The following KRT7 variants were observed in gnomAD, a reference collection of about 807,000 sequenced individuals.
KRT7 encodes keratin 7, also known as keratin, type II cytoskeletal 7.
Under a neutral mutation model 42.8 loss-of-function variants are expected in KRT7, and 50 were observed. The ratio of observed to expected loss-of-function variants is 1.17; its 90% confidence interval spans 0.93 to 1.48. KRT7 has a LOEUF of 1.48. Ranked by LOEUF, KRT7 falls within the 40% of genes most tolerant of loss-of-function variation. The pLI is 0.00. For synonymous variants in KRT7, 268 were observed against 266.3 expected (o/e 1.01, Z -0.06); for missense variants, 588 against 637.6 (o/e 0.92, Z 0.84).
intron 6 of KRT7, chr12:52,245,023 G>A (rs1942147696): frequency 4.7e-6 from 1 of 210,698 alleles, no homozygotes; most frequent in Non-Finnish European, 9.3e-6. Context: ...CTGGGGGTTT[G>A]AAAATCATAA....
intron 4 of KRT7, among the ~76,000 whole-genome samples, chr12:52,241,145 C>A (rs896956884): frequency 2.0e-5 from 3 of 152,150 alleles, no homozygotes; most frequent in Admixed American, 2.0e-4. Context: ...TTCATCCATT[C>A]CCCATGGCCT....
intron 2 of KRT7, among the ~76,000 whole-genome samples, chr12:52,237,091 T>C (rs745646635): frequency 2.6e-5 from 4 of 152,236 alleles, no homozygotes; most frequent in Non-Finnish European, 5.9e-5. Context: ...ACGCTGCCTC[T>C]CTGTGTCTCT....
In KRT7 at chr12:52,245,619, G is replaced by A; in HGVS notation, c.1192G>A (p.Gly398Ser). ...EIATYRKLLE[G>S]EESRLAGDGV... Reference sequence around the variant, plus strand: ...CGCCACCTACCGCAAGCTGCTGGAGGGCGAGGAGAGCCGGTGAGGACAAGG... The same window carrying A: ...CGCCACCTACCGCAAGCTGCTGGAGAGCGAGGAGAGCCGGTGAGGACAAGG... Residue 398 changes from glycine (G) to serine (S), a missense_variant, in exon 7 of 9, where the codon GGC becomes AGC. Transcript: ENST00000331817. 3 of 1,613,638 alleles carry A rather than the reference G, an allele frequency of 1.9e-6. No homozygotes were observed. Among genetic ancestry groups the A allele is most frequent in the Non-Finnish European group, 2.5e-6 (3 of 1,180,028 alleles).
In KRT7 at chr12:52,248,177, G is replaced by A. The variant is rs1189843544; in HGVS notation, c.1206G>A (p.Arg402=). The A allele has an allele frequency of 6.2e-7, 1 of 1,614,082 alleles. No homozygotes were observed. Among genetic ancestry groups the A allele is most frequent in the South Asian group, 1.1e-5 (1 of 91,084 alleles). The change falls in exon 8 of 9, where the codon CGG becomes CGA. Residue 402 remains arginine, a splice_region_variant and synonymous_variant. Transcript: ENST00000331817. Reference sequence around the variant, plus strand: ...CTCACTGTCTGTCCTCTGCCCCCAGGTTGGCTGGAGATGGAGTGGGAGCCG... The same window carrying A: ...CTCACTGTCTGTCCTCTGCCCCCAGATTGGCTGGAGATGGAGTGGGAGCCG... ...YRKLLEGEES[R]LAGDGVGAVN... is the part of the protein sequence containing the mutation.
rs777357641 is a variant in KRT7, at chr12:52,235,267, C to T, written c.437C>T (p.Ala146Val). 1 of 1,614,174 alleles carries T rather than the reference C, an allele frequency of 6.2e-7. No homozygotes were observed. The highest frequency in any genetic ancestry group is 8.5e-7 in the Non-Finnish European group (1 of 1,180,014). ...RLPDIFEAQI[A>V]GLRGQLEALQ... ...CCAGACATCTTTGAGGCCCAGATTG[C>T]TGGCCTTCGGGGTCAGCTTGAGGCA... Residue 146 changes from alanine (A) to valine (V), a missense_variant, in exon 2 of 9, where the codon GCT (alanine) becomes GTT (valine). Transcript: ENST00000331817.
Position 52,248,631 on chromosome 12 carries a change from C to T in KRT7, c.1281C>T (p.Gly427=). 6.2e-7 allele frequency: 1 copy of T among 1,606,398 alleles called. No individual in the cohort carries two copies. The highest frequency in any genetic ancestry group is 8.5e-7 in the Non-Finnish European group (1 of 1,176,444). Reference sequence around the variant, plus strand: ...CTGGTGGCAGTAGCAGTGGCGGTGGCATTGGGCTGACCCTCGGGGGAACCA... The same window carrying T: ...CTGGTGGCAGTAGCAGTGGCGGTGGTATTGGGCTGACCCTCGGGGGAACCA... ...NSTGGSSSGG[G]IGLTLGGTMG... The change falls in exon 9 of 9, where the codon GGC becomes GGT. Residue 427 remains glycine (G), a synonymous_variant. Coordinates refer to ENST00000331817, the MANE Select transcript of KRT7 (RefSeq NM_005556.4).
chr12:52,249,460 C>A, downstream of KRT7: 1 of 152,400 alleles, frequency 6.6e-6, no homozygotes, highest in Non-Finnish European at 1.5e-5. Context: ...TGTGTGTGTG[C>A]ATGGGAGGAG....
downstream of KRT7, among the ~76,000 whole-genome samples, chr12:52,249,146 C>T (rs547818793): frequency 2.2e-4 from 34 of 152,286 alleles, no homozygotes; most frequent in African/African-American, 7.7e-4. Context: ...AGAAGAGCCA[C>T]GGGGAAATGC....
At chr12:52,252,595 G>A (rs897358254), downstream of KRT7, 7 of 1,344,952 alleles carry the variant, frequency 5.2e-6, no homozygotes, top group African/African-American at 1.5e-5. Context: ...TATTTGTTAG[G>A]CCAGGGGTTG....
chr12:52,234,143 G>A (rs962356850), intron 1 of KRT7, among the ~76,000 whole-genome samples: 2 of 123,152 alleles, frequency 1.6e-5, no homozygotes, highest in East Asian at 5.1e-4. Flanking sequence ...GGGGGCTCCC[G>A]CCCCTCCCCT....
At position 52,248,618 on chromosome 12, in the gene KRT7, G is replaced by A. The variant is rs1292719043; in HGVS notation, c.1268G>A (p.Ser423Asn). Residue 423 changes from serine to asparagine, a missense_variant, in exon 9 of 9, where the codon AGC becomes AAC. Ser to Asn is a conservative substitution (Grantham distance 46). Transcript: ENST00000331817. ...GTGATGAATTCCACTGGTGGCAGTA[G>A]CAGTGGCGGTGGCATTGGGCTGACC... The part of the protein sequence containing the change: ...ISVMNSTGGS[S>N]SGGGIGLTLG... 2 of 1,598,120 alleles carry A rather than the reference G, an allele frequency of 1.3e-6. No homozygotes were observed. The highest frequency in any genetic ancestry group is 1.7e-6 in the Non-Finnish European group (2 of 1,173,346).
At chr12:52,239,756 C>T (rs1942058987) in intron 4 of KRT7, among the ~76,000 whole-genome samples, 1 of 152,188 alleles carries the variant, frequency 6.6e-6, no homozygotes, top group African/African-American at 2.4e-5. Flanking sequence ...CCCAGAGGGG[C>T]TGGGTGGGTA....
At position 52,237,892 on chromosome 12, in the gene KRT7, G is replaced by A. The variant is rs551171274; in HGVS notation, c.597+323G>A. Among the ~76,000 whole-genome samples, 5 of 152,310 alleles carry A rather than the reference G, an allele frequency of 3.3e-5. No homozygotes were observed. In the South Asian group the frequency reaches 6.2e-4, roughly 19 times the overall value. ...AAGCCAGAACATTTTCATCACAAAGGTGTTGCTTGGCTGGCCTGAAATGTT... is the reference window on the plus strand; with the variant it reads ...AAGCCAGAACATTTTCATCACAAAGATGTTGCTTGGCTGGCCTGAAATGTT... On this transcript the variant is annotated intron_variant, in intron 3 of 8. Transcript: ENST00000331817.
intron 8 of KRT7, 97 bp downstream of exon 8, chr12:52,248,308 G>T: frequency 8.0e-7 from 1 of 1,253,736 alleles, no homozygotes; most frequent in South Asian, 1.2e-5. Flanking sequence ...CCCTGCTGGA[G>T]GGGCCAGGAG....
At chr12:52,253,731 G>A, downstream of KRT7, 1 of 1,225,086 alleles carries the variant, frequency 8.2e-7, no homozygotes, top group African/African-American at 1.5e-5. Flanking sequence ...GACCACTGAG[G>A]TGTCTGAGAT....
At chr12:52,243,263 A>G in intron 6 of KRT7, 126 bp downstream of exon 6, 1 of 1,141,676 alleles carries the variant, frequency 8.8e-7, no homozygotes, top group Non-Finnish European at 1.2e-6. Flanking sequence ...ACTGTCTCAG[A>G]CCCCCTTGTG....
chr12:52,238,381 G>A (rs73317406), intron 3 of KRT7, among the ~76,000 whole-genome samples: 2,656 of 152,296 alleles, frequency 0.017, 87 homozygotes, highest in African/African-American at 0.061. Flanking sequence ...CAGGTCACAC[G>A]GTTAGTAGGT....
chr12:52,249,752 C>T (rs988655806), downstream of KRT7, among the ~76,000 whole-genome samples: 2 of 152,016 alleles, frequency 1.3e-5, no homozygotes. Flanking sequence ...TCTGGGACCC[C>T]AGGGGTGATG....
downstream of KRT7, chr12:52,253,426 C>G: frequency 6.4e-7 from 1 of 1,568,952 alleles, no homozygotes; most frequent in South Asian, 1.1e-5. Flanking sequence ...TTGTGCAGTG[C>G]TCAGCCTGTG....
Sources: allele counts gnomAD v4.1 joint callset (sites outside exome capture counted in the v4.1 genomes callset), GRCh38; gene constraint gnomAD v4.1.1; transcripts MANE v1.5; gene names NCBI Gene and HGNC (gene_info 2026-07-23, HGNC 2026-07-21).